CSMD1: variants seen among roughly 807,000 people sequenced by gnomAD.
CSMD1 encodes the protein CUB and Sushi multiple domains 1.
CSMD1 carries 213 observed loss-of-function variants against 417.5 expected under a neutral mutation model. The ratio of observed to expected loss-of-function variants is 0.51; its 90% CI spans 0.46 to 0.57. The LOEUF (loss-of-function observed/expected upper bound fraction) is 0.57. Ranked by LOEUF, CSMD1 falls within the 20% of genes least tolerant of loss-of-function variation. CSMD1 has a pLI of 0.00. For synonymous variants in CSMD1, 2,862 were observed against 1,736.8 expected, an observed-to-expected ratio of 1.65 and a Z score of -16.11; for missense variants, 6,923 against 4,529.7, an observed-to-expected ratio of 1.53 and a Z score of -15.17.
chr8:3,884,502 GATT>G (rs1563176353), intron 5 of CSMD1, among the ~76,000 whole-genome samples: 1 of 152,100 alleles, frequency 6.6e-6, no homozygotes, highest in Non-Finnish European at 1.5e-5. Flanking sequence ...TTCACACCTG[GATT>G]CTCCTCCTTC....
chr8:3,556,246 T>C (rs961520264), intron 10 of CSMD1, among the ~76,000 whole-genome samples: 51 of 151,550 alleles, frequency 3.4e-4, no homozygotes, highest in African/African-American at 1.1e-3. Context: ...CTTTCCATGT[T>C]TTTTGGTACC....
chr8:4,898,772 G>A (rs922562755), intron 1 of CSMD1, among the ~76,000 whole-genome samples: 3 of 152,066 alleles, frequency 2.0e-5, no homozygotes, highest in Non-Finnish European at 4.4e-5. Context: ...TGGAAGCGGG[G>A]GGAAGTGAAA....
chr8:4,192,616 G>C (rs1361978584), intron 3 of CSMD1, among the ~76,000 whole-genome samples: 6 of 152,202 alleles, frequency 3.9e-5, no homozygotes, highest in African/African-American at 7.2e-5. Flanking sequence ...AACAGGTTGG[G>C]CCACAGCAGA....
intron 26 of CSMD1, among the ~76,000 whole-genome samples, chr8:3,277,957 C>G (rs917546254): frequency 1.3e-5 from 2 of 152,130 alleles, no homozygotes; most frequent in Non-Finnish European, 2.9e-5. Context: ...GAAAAGTAAG[C>G]AAGCGTCATT....
chr8:4,074,951 G>C (rs932006528), intron 3 of CSMD1, among the ~76,000 whole-genome samples: 1 of 151,982 alleles, frequency 6.6e-6, no homozygotes, highest in Admixed American at 6.6e-5. Context: ...ATATTTTTGT[G>C]TGACAGTTTG....
intron 1 of CSMD1, among the ~76,000 whole-genome samples, chr8:4,790,119 C>T (rs921143492): frequency 6.6e-6 from 1 of 152,120 alleles, no homozygotes; most frequent in Admixed American, 6.5e-5. Context: ...CTTGTGATAT[C>T]CAATATTCAG....
chr8:4,556,679 T>C (rs910341732), intron 2 of CSMD1, among the ~76,000 whole-genome samples: 4 of 152,164 alleles, frequency 2.6e-5, no homozygotes, highest in African/African-American at 9.7e-5. Flanking sequence ...AACAAAAGTT[T>C]TTTTCCATAA....
chr8:2,957,847 A>AAT, intron 62 of CSMD1, 40 bp from the exon 63 acceptor site: 1 of 1,377,612 alleles, frequency 7.3e-7, no homozygotes, highest in Non-Finnish European at 1.0e-6. Flanking sequence ...AGGCCAAGGG[A>AAT]ATATACGAAG....
rs533434888 is a variant in CSMD1 at position 4,865,659 on chromosome 8, T to G, written c.85+128673A>C. ...TACAATGCACTTCAATTTTGCATTT[T>G]TATTTTTATAATCATTGGGAGGGGT... is the stretch of plus-strand genomic sequence containing the variant. On this transcript the variant is annotated intron_variant, in intron 1 of 69. Coordinates refer to ENST00000635120, the MANE Select transcript of CSMD1 (RefSeq NM_033225.6). Among the ~76,000 whole-genome samples, 4 of 152,032 alleles carry G rather than the reference T, an allele frequency of 2.6e-5. No homozygotes were observed. The South Asian group carries it at 8.3e-4, about 31-fold the overall frequency.
intron 5 of CSMD1, among the ~76,000 whole-genome samples, chr8:3,902,567 C>A (rs1584937870): frequency 6.6e-6 from 1 of 152,082 alleles, no homozygotes; most frequent in African/African-American, 2.4e-5. Flanking sequence ...ATTGCATGCT[C>A]AGTTCACAGT....
intron 12 of CSMD1, among the ~76,000 whole-genome samples, chr8:3,439,985 G>T (rs905234344): frequency 6.6e-6 from 1 of 151,972 alleles, no homozygotes; most frequent in Non-Finnish European, 1.5e-5. Flanking sequence ...TTTATTCCTG[G>T]GCTTTCTATT....
chr8:3,494,870 T>C (rs1388802947), intron 10 of CSMD1, among the ~76,000 whole-genome samples: 2 of 152,152 alleles, frequency 1.3e-5, no homozygotes, highest in African/African-American at 4.8e-5. Flanking sequence ...AATGCCTGTT[T>C]GTTAAGCTTG....
chr8:4,039,694 AAT>A (rs757000712), intron 3 of CSMD1, among the ~76,000 whole-genome samples: 1 of 152,184 alleles, frequency 6.6e-6, no homozygotes, highest in Non-Finnish European at 1.5e-5. Context: ...GTGAGCTGTA[AAT>A]ATACTTGAAG....
chr8:4,857,661 T>C (rs1482416690), intron 1 of CSMD1, among the ~76,000 whole-genome samples: 1 of 152,032 alleles, frequency 6.6e-6, no homozygotes, highest in Admixed American at 6.5e-5. Context: ...CTAGAAAATC[T>C]AGAAGAAATG....
rs141806893 is a variant in CSMD1 at position 3,748,089 on chromosome 8, A to G, written c.931+5841T>C. Among the ~76,000 whole-genome samples, 292 of 152,306 alleles carry G rather than the reference A, an allele frequency of 1.9e-3. 1 individual carries two copies. The highest frequency in any genetic ancestry group is 3.2e-3 in the Non-Finnish European group (217 of 68,028). On this transcript the variant is annotated intron_variant, in intron 6 of 69. Transcript: ENST00000635120. ...TACTTAATGAAAAGTGCAGAGTAAG[A>G]GTCAGTCGCTTGGAACCCATAGATG... is the stretch of plus-strand genomic sequence containing the variant.
At chr8:4,282,902 C>T (rs533891397) in intron 3 of CSMD1, among the ~76,000 whole-genome samples, 2 of 152,258 alleles carry the variant, frequency 1.3e-5, no homozygotes, top group African/African-American at 4.8e-5. Context: ...GTTGAACTTA[C>T]CACAGTTCAT....
At chr8:4,928,224 C>T (rs936181008) in intron 1 of CSMD1, among the ~76,000 whole-genome samples, 1 of 152,202 alleles carries the variant, frequency 6.6e-6, no homozygotes, top group Non-Finnish European at 1.5e-5. Context: ...GCATGTCTTG[C>T]TCTCTTGCTT....
intron 1 of CSMD1, among the ~76,000 whole-genome samples, chr8:4,710,584 G>A (rs1415726399): frequency 6.6e-6 from 1 of 151,054 alleles, no homozygotes; most frequent in Non-Finnish European, 1.5e-5. Flanking sequence ...GGTGGCTCAC[G>A]CTTGTGATCC....
Position 3,951,197 on chromosome 8 carries a change from C to T in CSMD1, c.818+46706G>A, listed in dbSNP as rs113550680. Among the ~76,000 whole-genome samples the T allele has an allele frequency of 6.0e-3, 912 of 152,206 alleles. 9 individuals are homozygous for T. The highest frequency in any genetic ancestry group is 0.018 in the African/African-American group (739 of 41,516). Reference sequence around the variant, plus strand: ...AAATTCCTGCCATGTGAGACAAGACCTGTATAGGTAGTTTGTGGGGACTGC... The same window carrying T: ...AAATTCCTGCCATGTGAGACAAGACTTGTATAGGTAGTTTGTGGGGACTGC... On this transcript the variant is annotated intron_variant, in intron 5 of 69. Coordinates refer to ENST00000635120, the MANE Select transcript of CSMD1 (RefSeq NM_033225.6).
Sources: allele counts gnomAD v4.1 joint callset (sites outside exome capture counted in the v4.1 genomes callset), GRCh38; gene constraint gnomAD v4.1.1; transcripts MANE v1.5; gene names NCBI Gene and HGNC (gene_info 2026-07-23, HGNC 2026-07-21).